CALCR: variants seen among roughly 807,000 people sequenced by gnomAD.
CALCR encodes the protein calcitonin receptor.
Under a neutral mutation model 59.5 loss-of-function variants are expected in CALCR, and 47 were observed. The ratio of observed to expected loss-of-function variants is 0.79; its 90% CI spans 0.63 to 1.01. The LOEUF (loss-of-function observed/expected upper bound fraction) is 1.01, where lower values mean the gene tolerates loss of function less well. Among genes scored for constraint, CALCR ranks in the 50% least tolerant of loss-of-function variants. The probability of loss-of-function intolerance (pLI) is 0.00; values close to 1 mark genes in which losing one functional copy is unlikely to be tolerated. For missense variants in CALCR, 566 were observed against 597.1 expected (o/e 0.95, Z 0.54); for synonymous variants, 213 against 211.3 (o/e 1.01, Z -0.07).
At chr7:93,442,279 C>T (rs1182583302) in intron 9 of CALCR, among the ~76,000 whole-genome samples, 1 of 152,178 alleles carries the variant, frequency 6.6e-6, no homozygotes, top group Non-Finnish European at 1.5e-5. Flanking sequence ...ACATCTTACT[C>T]TGTTGCTTGC....
In CALCR at chr7:93,568,509, TTCTCTCTCTCTCTC is replaced by T. The variant is rs4015269; in HGVS notation, c.-27+5766_-27+5779del. Among the ~76,000 whole-genome samples the T allele has an allele frequency of 9.5e-3, 971 of 102,406 alleles. 10 individuals are homozygous for T. The highest frequency in any genetic ancestry group is 0.017 in the South Asian group (48 of 2,752). The allele number at this position is 102,406 out of a possible 152,430, so 67.2% of individuals were successfully genotyped here. On this transcript the variant is annotated intron_variant, in intron 2 of 13. Transcript: ENST00000426151. ...CCTCCCTGGTTTCCATAAAATTACTTTCTCTCTCTCTCTCTCTCTCTCTCTCTCTCTCTCTCTCT... is the reference window on the plus strand; with the variant it reads ...CCTCCCTGGTTTCCATAAAATTACTTTCTCTCTCTCTCTCTCTCTCTCTCT...
chr7:93,425,007 G>C lies in CALCR; in HGVS notation c.*1349C>G, dbSNP rs1197707559. The stretch of plus-strand genomic sequence containing the variant: ...ACATAGATGAGACTGGAGATTTGGA[G>C]GGTTTCAATGTACCTCCTCATTTAG... On this transcript the variant is annotated 3_prime_UTR_variant, in exon 14 of 14. Transcript: ENST00000426151. The C allele has an allele frequency of 6.6e-6, 1 of 152,534 alleles. No homozygotes were observed. The highest frequency in any genetic ancestry group is 2.4e-5 in the African/African-American group (1 of 41,424). The allele number at this position is 152,534 out of a possible 1,614,324, so 9.4% of individuals were successfully genotyped here.
At chr7:93,465,742 T>C (rs1800426603) in intron 7 of CALCR, among the ~76,000 whole-genome samples, 1 of 150,194 alleles carries the variant, frequency 6.7e-6, no homozygotes, top group Non-Finnish European at 1.5e-5. Flanking sequence ...ACAAGGAGCA[T>C]GATTTCTATT....
intron 2 of CALCR, among the ~76,000 whole-genome samples, chr7:93,516,990 G>T (rs73221757): frequency 6.6e-6 from 1 of 151,730 alleles, no homozygotes; most frequent in Non-Finnish European, 1.5e-5. Flanking sequence ...AGGACATTGC[G>T]GTGGCTTTTT....
chr7:93,558,685 A>G (rs1789667858), intron 2 of CALCR, among the ~76,000 whole-genome samples: 1 of 152,156 alleles, frequency 6.6e-6, no homozygotes, highest in Non-Finnish European at 1.5e-5. Flanking sequence ...AATATTGGAA[A>G]GAAATTACTG....
At chr7:93,529,329 A>AC (rs536404484) in intron 2 of CALCR, among the ~76,000 whole-genome samples, 49 of 151,642 alleles carry the variant, frequency 3.2e-4, no homozygotes, top group Non-Finnish European at 6.3e-4. Context: ...AGATACCTGC[A>AC]CCCCCTTTGC....
At chr7:93,563,193 C>T (rs781021125) in intron 2 of CALCR, among the ~76,000 whole-genome samples, 2 of 152,074 alleles carry the variant, frequency 1.3e-5, no homozygotes, top group African/African-American at 2.4e-5. Flanking sequence ...AAAAGAGTTG[C>T]CATGCTCCAA....
intron 2 of CALCR, among the ~76,000 whole-genome samples, chr7:93,521,868 A>G (rs1801770964): frequency 6.6e-6 from 1 of 152,184 alleles, no homozygotes; most frequent in Non-Finnish European, 1.5e-5. Flanking sequence ...CAAGGGGTAC[A>G]ACATTTTGAT....
intron 8 of CALCR, among the ~76,000 whole-genome samples, chr7:93,452,410 A>G (rs1181169161): frequency 6.6e-6 from 1 of 152,000 alleles, no homozygotes. Context: ...CTAAGGGACA[A>G]AAAGACCCTC....
intron 8 of CALCR, among the ~76,000 whole-genome samples, chr7:93,454,916 T>TTGTGTGTGTGTGTGTGTGTGTG (rs4015273): frequency 6.9e-6 from 1 of 144,918 alleles, no homozygotes; most frequent in African/African-American, 2.6e-5. Flanking sequence ...ACAGGGCATT[T>TTGTGTGTGTGTGTGTGTGTGTG]TGTGTGTGTG....
intron 2 of CALCR, among the ~76,000 whole-genome samples, chr7:93,539,718 T>A (rs943282822): frequency 6.6e-6 from 1 of 152,128 alleles, no homozygotes; most frequent in Non-Finnish European, 1.5e-5. Context: ...GGTTGCTGAA[T>A]GGGGAAAGGC....
At chr7:93,487,812 AC>A (rs1173697969) in intron 2 of CALCR, among the ~76,000 whole-genome samples, 1 of 151,210 alleles carries the variant, frequency 6.6e-6, no homozygotes, top group Non-Finnish European at 1.5e-5. Flanking sequence ...CACTATATCT[AC>A]TGTATTACCC....
At chr7:93,524,830 A>G (rs1563007312) in intron 2 of CALCR, among the ~76,000 whole-genome samples, 1 of 152,202 alleles carries the variant, frequency 6.6e-6, no homozygotes, top group East Asian at 1.9e-4. Flanking sequence ...ATCATAAAGC[A>G]TGCTATAAAG....
intron 2 of CALCR, among the ~76,000 whole-genome samples, chr7:93,569,935 G>GAC (rs3068441): frequency 0.063 from 9,110 of 143,940 alleles, 371 homozygotes; most frequent in African/African-American, 0.11. Context: ...GATGTAAAGG[G>GAC]ACACACACAC....
chr7:93,548,839 AGTGTGTGTGTGTGT>A lies in CALCR; in HGVS notation c.-27+25436_-27+25449del, dbSNP rs754317267. Among the ~76,000 whole-genome samples, 12 of 137,438 alleles carry A rather than the reference AGTGTGTGTGTGTGT, an allele frequency of 8.7e-5. No individual in the cohort carries two copies. The South Asian group carries it at 1.2e-3, about 14-fold the overall frequency. The allele number at this position is 137,438 out of a possible 152,430, so 90.2% of individuals were successfully genotyped here. A position where few individuals can be genotyped will look rare whatever the true frequency, so the allele number is the denominator to read the frequency against. ...AATTGCAATAATTCAATCCAGAAGA[AGTGTGTGTGTGTGT>A]GTGTGTGTGTGTGTGTGTGTGTGTG... On this transcript the variant is annotated intron_variant, in intron 2 of 13. Transcript: ENST00000426151.
At chr7:93,492,292 G>A (rs958431478) in intron 2 of CALCR, among the ~76,000 whole-genome samples, 1 of 150,674 alleles carries the variant, frequency 6.6e-6, no homozygotes, top group Non-Finnish European at 1.5e-5. Context: ...GTCAATAGGT[G>A]TAAAAATTTT....
chr7:93,459,227 G>C (rs998991473), intron 8 of CALCR, among the ~76,000 whole-genome samples: 3 of 152,158 alleles, frequency 2.0e-5, no homozygotes, highest in African/African-American at 7.2e-5. Flanking sequence ...TAATCAACCA[G>C]TTTGGTGTTA....
At chr7:93,477,814 G>A in intron 4 of CALCR, 146 bp from the exon 5 acceptor site, 1 of 582,090 alleles carries the variant, frequency 1.7e-6, no homozygotes, top group East Asian at 2.9e-5. Context: ...CATTTATTTT[G>A]GAAATAAAGT....
intron 2 of CALCR, among the ~76,000 whole-genome samples, chr7:93,569,202 A>G (rs1455981944): frequency 6.6e-6 from 1 of 150,712 alleles, no homozygotes; most frequent in African/African-American, 2.4e-5. Context: ...TATGCCTCTT[A>G]TTTTCCACCA....
Sources: gnomAD v4.1 joint callset for allele counts (sites outside exome capture counted in the v4.1 genomes callset) on GRCh38, gnomAD v4.1.1 for gene constraint, MANE v1.5 for transcripts, NCBI Gene and HGNC (gene_info 2026-07-23, HGNC 2026-07-21) for gene names.